Variants in HDAC4 observed in about 807,000 individuals in gnomAD.
The protein encoded by HDAC4 is histone deacetylase A.
A neutral mutation model predicts 135.1 loss-of-function variants in HDAC4; 16 were observed. The ratio of observed to expected loss-of-function variants is 0.12; its 90% CI spans 0.08 to 0.18. HDAC4 has a LOEUF of 0.18. Among genes scored for constraint, HDAC4 ranks in the 10% least tolerant of loss-of-function variants. The pLI is 1.00. For synonymous variants in HDAC4, 685 were observed against 653.4 expected (o/e 1.05, Z -0.74); for missense variants, 1,143 against 1,511.8 (o/e 0.76, Z 4.05).
chr2:239,355,450 A>T (rs1693428311), intron 1 of HDAC4, among the ~76,000 whole-genome samples: 1 of 152,212 alleles, frequency 6.6e-6, no homozygotes, highest in Non-Finnish European at 1.5e-5. Context: ...ATTTTAACTA[A>T]GCCATGAACT....
chr2:239,367,851 G>A (rs904525745), intron 1 of HDAC4, among the ~76,000 whole-genome samples: 3 of 152,022 alleles, frequency 2.0e-5, no homozygotes, highest in African/African-American at 7.3e-5. Flanking sequence ...GTGTATGTCT[G>A]TAATTCCAGC....
At chr2:239,386,443 G>A (rs542149400) in intron 1 of HDAC4, among the ~76,000 whole-genome samples, 1 of 152,290 alleles carries the variant, frequency 6.6e-6, no homozygotes, top group Non-Finnish European at 1.5e-5. Context: ...ACCTTCCCAA[G>A]AGGAGCGTCA....
chr2:239,120,402 G>GACGCACAC (rs2039553950), intron 12 of HDAC4, among the ~76,000 whole-genome samples: 6 of 68,296 alleles, frequency 8.8e-5, no homozygotes, highest in African/African-American at 1.8e-4. Context: ...GACGCACACA[G>GACGCACAC]ACACACACAC....
chr2:239,310,786 A>T (rs1160968672), intron 2 of HDAC4, among the ~76,000 whole-genome samples: 1 of 152,154 alleles, frequency 6.6e-6, no homozygotes, highest in Non-Finnish European at 1.5e-5. Flanking sequence ...GAGGGGCCTC[A>T]CTCAATGTCC....
intron 17 of HDAC4, chr2:239,094,696 A>T: frequency 8.1e-7 from 1 of 1,234,204 alleles, no homozygotes; most frequent in Non-Finnish European, 1.0e-6. Context: ...TGATGTGAGC[A>T]GATTACTGCC....
intron 3 of HDAC4, among the ~76,000 whole-genome samples, chr2:239,230,887 G>A (rs566447851): frequency 2.0e-5 from 3 of 152,190 alleles, no homozygotes; most frequent in South Asian, 2.1e-4. Flanking sequence ...TGCAACAACC[G>A]CCACAAAACA....
intron 2 of HDAC4, among the ~76,000 whole-genome samples, chr2:239,336,066 CTAT>C (rs1691913372): frequency 1.3e-5 from 2 of 152,166 alleles, no homozygotes; most frequent in Non-Finnish European, 2.9e-5. Context: ...GAAACTACTA[CTAT>C]AAGCCACAAT....
At chr2:239,104,116 A>G (rs1260648133) in intron 15 of HDAC4, among the ~76,000 whole-genome samples, 2 of 152,374 alleles carry the variant, frequency 1.3e-5, no homozygotes, top group South Asian at 4.1e-4. Context: ...TGCTGCTTCT[A>G]CTTTGGGGAC....
chr2:239,373,220 C>A (rs899799989), intron 1 of HDAC4, among the ~76,000 whole-genome samples: 1 of 152,200 alleles, frequency 6.6e-6, no homozygotes, highest in Non-Finnish European at 1.5e-5. Context: ...CCATGCCCGA[C>A]ACTGCTGCGG....
At chr2:239,150,534 AG>A (rs768493732) in intron 7 of HDAC4, among the ~76,000 whole-genome samples, 3 of 152,168 alleles carry the variant, frequency 2.0e-5, no homozygotes, top group Non-Finnish European at 2.9e-5. Flanking sequence ...ATACAGCAGC[AG>A]GAAGTCTCAC....
chr2:239,284,701 A>C (rs950241860), intron 2 of HDAC4, among the ~76,000 whole-genome samples: 2 of 152,236 alleles, frequency 1.3e-5, no homozygotes, highest in Non-Finnish European at 2.9e-5. Context: ...CTGCAGGGGG[A>C]AAGGCACCAG....
intron 9 of HDAC4, among the ~76,000 whole-genome samples, chr2:239,135,717 G>C (rs1298158769): frequency 2.0e-5 from 3 of 152,208 alleles, no homozygotes; most frequent in Non-Finnish European, 4.4e-5. Context: ...CTGCAGGGCC[G>C]AGCACCCAGC....
chr2:239,184,374 A>AG (rs1488438164), intron 4 of HDAC4, among the ~76,000 whole-genome samples: 154 of 81,714 alleles, frequency 1.9e-3, no homozygotes, highest in African/African-American at 6.8e-3. Flanking sequence ...GTGCCCTATG[A>AG]GGGGGGGTCC....
At chr2:239,334,055 T>C (rs901890959) in intron 2 of HDAC4, among the ~76,000 whole-genome samples, 3 of 152,156 alleles carry the variant, frequency 2.0e-5, no homozygotes, top group Admixed American at 6.5e-5. Flanking sequence ...ATAGACAATA[T>C]GCATTAAAAA....
chr2:239,114,970 G>A lies in HDAC4; in HGVS notation c.1791+83C>T, dbSNP rs568280343. On this transcript the variant is annotated intron_variant, in intron 13 of 26. Transcript: ENST00000543185. ...CGCGCAAGGATGCCCTGCAGCCCCC[G>A]TGATCACCACAGAAGATGCCACCTG... The A allele has an allele frequency of 8.8e-4, 1,343 of 1,532,960 alleles. 9 individuals are homozygous for A. In the Middle Eastern group the frequency reaches 9.2e-3, roughly 11 times the overall value. 95.0% of individuals were successfully genotyped at this position (1,532,960 alleles called of 1,614,324 possible). A position where few individuals can be genotyped will look rare whatever the true frequency, so the allele number is the denominator to read the frequency against.
chr2:239,271,468 C>G (rs990382572), intron 2 of HDAC4, among the ~76,000 whole-genome samples: 1 of 152,196 alleles, frequency 6.6e-6, no homozygotes, highest in Non-Finnish European at 1.5e-5. Context: ...GTTTTCAGTG[C>G]TGTTGTGTTT....
intron 5 of HDAC4, among the ~76,000 whole-genome samples, chr2:239,170,661 T>C (rs1000851409): frequency 3.3e-5 from 5 of 152,320 alleles, no homozygotes; most frequent in African/African-American, 1.2e-4. Flanking sequence ...TTAAACCTAC[T>C]GGAAATGGTC....
intron 11 of HDAC4, among the ~76,000 whole-genome samples, chr2:239,132,568 C>T (rs1214455893): frequency 1.3e-5 from 2 of 152,184 alleles, no homozygotes; most frequent in Non-Finnish European, 2.9e-5. Flanking sequence ...GGCAGGTCCC[C>T]ATGCCAACGA....
At chr2:239,282,092 A>T (rs549948812) in intron 2 of HDAC4, among the ~76,000 whole-genome samples, 7 of 148,776 alleles carry the variant, frequency 4.7e-5, no homozygotes, top group African/African-American at 1.7e-4. Flanking sequence ...ACCACTCTAC[A>T]ATGAACACCC....
Sources: allele counts gnomAD v4.1 joint callset (sites outside exome capture counted in the v4.1 genomes callset), GRCh38; gene constraint gnomAD v4.1.1; transcripts MANE v1.5; gene names NCBI Gene and HGNC (gene_info 2026-07-23, HGNC 2026-07-21).